The following PRR5 variants were observed in gnomAD, a reference collection of about 807,000 sequenced individuals.
PRR5 encodes the protein proline rich 5.
PRR5 carries 25 observed loss-of-function variants against 30.6 expected under a neutral mutation model. That is an observed-to-expected ratio of 0.82 (90% confidence interval 0.60 to 1.14). PRR5 has a LOEUF of 1.14. Ranked by LOEUF, PRR5 falls within the 50% of genes most tolerant of loss-of-function variation. The probability of loss-of-function intolerance (pLI) is 0.00; values close to 1 mark genes in which losing one functional copy is unlikely to be tolerated. For missense variants in PRR5, 600 were observed against 547.1 expected, an observed-to-expected ratio of 1.10 and a Z score of -0.96; for synonymous variants, 286 against 247.1, an observed-to-expected ratio of 1.16 and a Z score of -1.48.
chr22:44,683,998 T>A (rs1791006736), intron 1 of PRR5, among the ~76,000 whole-genome samples: 1 of 152,238 alleles, frequency 6.6e-6, no homozygotes, highest in African/African-American at 2.4e-5. Context: ...TGGCTTTGAC[T>A]GCAGCGACAG....
At chr22:44,713,321 T>C (rs1211372209) in intron 1 of PRR5, among the ~76,000 whole-genome samples, 5 of 152,168 alleles carry the variant, frequency 3.3e-5, no homozygotes, top group Admixed American at 3.3e-4. Flanking sequence ...GGGCTAGACT[T>C]CCCGACCTCA....
At chr22:44,725,175 A>G in intron 2 of PRR5, 69 bp from the exon 3 acceptor site, 1 of 1,597,684 alleles carries the variant, frequency 6.3e-7, no homozygotes, top group Middle Eastern at 1.8e-4. Context: ...GCCCCACCCC[A>G]GTCCGTGGGT....
At chr22:44,704,995 G>A (rs1181978629) in intron 1 of PRR5, among the ~76,000 whole-genome samples, 3 of 152,140 alleles carry the variant, frequency 2.0e-5, no homozygotes, top group Admixed American at 1.3e-4. Flanking sequence ...GTGCAGGGTC[G>A]GGGACAGGCG....
Position 44,729,506 on chromosome 22 carries a change from G to A in PRR5, c.323-2224G>A, listed in dbSNP as rs113198148. 2.6e-3 allele frequency: 2,529 copies of A among 985,546 alleles called. 66 individuals are homozygous for A. The African/African-American group carries it at 0.041, about 16-fold the overall frequency. 61.1% of individuals were successfully genotyped at this position (985,546 alleles called of 1,614,324 possible). A position where few individuals can be genotyped will look rare whatever the true frequency, so the allele number is the denominator to read the frequency against. ...CGCACACACCCGGCCCCGTCCTGCC[G>A]GCAGCAAACGCCCAGTGCTGTTTCA... On this transcript the variant is annotated intron_variant, in intron 4 of 7. Transcript: ENST00000336985.
intron 1 of PRR5, among the ~76,000 whole-genome samples, chr22:44,714,195 G>A (rs1310554974): frequency 6.6e-6 from 1 of 152,216 alleles, no homozygotes; most frequent in African/African-American, 2.4e-5. Flanking sequence ...CTGAACTCCG[G>A]GTGGCCGTGG....
At chr22:44,695,763 T>C (rs571938404) in intron 1 of PRR5, among the ~76,000 whole-genome samples, 2 of 151,852 alleles carry the variant, frequency 1.3e-5, no homozygotes, top group South Asian at 4.2e-4. Flanking sequence ...CATGCCCAGC[T>C]AATTTTTTTG....
In PRR5 at chr22:44,721,248, G is replaced by A. The variant is rs546456746; in HGVS notation, c.216-3996G>A. Among the ~76,000 whole-genome samples the A allele has an allele frequency of 4.6e-5, 7 of 152,324 alleles. No homozygotes were observed. The East Asian group carries it at 1.2e-3, about 25-fold the overall frequency. On this transcript the variant is annotated intron_variant, in intron 2 of 7. Transcript: ENST00000336985. ...AAGCACACTCCCCAGGGTGGGAGCA[G>A]GCAAGCAGCTCAAGGGCCAGGTTAC... is the stretch of plus-strand genomic sequence containing the variant.
At chr22:44,679,860 C>T (rs757193077) in intron 1 of PRR5, 8 of 1,589,822 alleles carry the variant, frequency 5.0e-6, no homozygotes, top group Non-Finnish European at 5.1e-6. Flanking sequence ...GGAAAAGATG[C>T]CGGCGCAGCC....
In PRR5 at chr22:44,724,157, C is replaced by T. The variant is rs112887048; in HGVS notation, c.216-1087C>T. 2.0e-3 allele frequency among the ~76,000 whole-genome samples: 310 copies of T among 152,260 alleles called. 1 individual carries two copies. The highest frequency in any genetic ancestry group is 6.9e-3 in the African/African-American group (287 of 41,548). On this transcript the variant is annotated intron_variant, in intron 2 of 7. Transcript: ENST00000336985. The stretch of plus-strand genomic sequence containing the variant: ...GACTGATTAGAAAGTTTTCCTAGGC[C>T]GGGTGTGGTGGCTCATACCTGTAAT...
At position 44,732,314 on chromosome 22, in the gene PRR5, G is replaced by A. The variant is rs761886467; in HGVS notation, c.478G>A (p.Val160Met). The change falls in exon 6 of 8, where the codon GTG becomes ATG. Residue 160 changes from valine to methionine, a missense_variant. Val to Met is a conservative substitution (Grantham distance 21). Transcript: ENST00000336985. ...LHFRNAITLS[V>M]KLEDALARAH... ...CTTCCGGAATGCCATCACCCTCAGTGTGAAGCTAGAGGATGCGCTGGCCCG... is the reference window on the plus strand; with the variant it reads ...CTTCCGGAATGCCATCACCCTCAGTATGAAGCTAGAGGATGCGCTGGCCCG... 64 of 1,612,312 alleles carry A rather than the reference G, an allele frequency of 4.0e-5. No individual in the cohort carries two copies. The highest frequency in any genetic ancestry group is 8.5e-7 in the Non-Finnish European group (1 of 1,179,982).
chr22:44,670,466 G>A (rs964676370), intron 1 of PRR5, among the ~76,000 whole-genome samples: 6 of 152,164 alleles, frequency 3.9e-5, no homozygotes, highest in Non-Finnish European at 5.9e-5. Flanking sequence ...GAAAACTGGC[G>A]ATCATCATAT....
At chr22:44,736,690 C>G in intron 7 of PRR5, 82 bp from the exon 8 acceptor site, 1 of 1,492,908 alleles carries the variant, frequency 6.7e-7, no homozygotes, top group Non-Finnish European at 8.9e-7. Context: ...CACAGGGACC[C>G]AGTGTGCAGT....
intron 4 of PRR5, among the ~76,000 whole-genome samples, chr22:44,729,109 C>G (rs1040661087): frequency 2.6e-5 from 4 of 152,210 alleles, no homozygotes; most frequent in Non-Finnish European, 4.4e-5. Context: ...TGCCGTCGCT[C>G]ATCCACCAGG....
Position 44,717,078 on chromosome 22 carries a change from A to G in PRR5, c.215+2407A>G, listed in dbSNP as rs527657278. ...CCCATCTCAAAAGAAAAAAAAATGA[A>G]AGGATTTTAATTATACATTAAATCC... On this transcript the variant is annotated intron_variant, in intron 2 of 7. Transcript: ENST00000336985. Among the ~76,000 whole-genome samples the G allele has an allele frequency of 2.4e-4, 37 of 152,188 alleles. 1 individual carries two copies. The South Asian group carries it at 4.2e-3, about 17-fold the overall frequency.
chr22:44,709,791 G>A (rs953408510), intron 1 of PRR5, among the ~76,000 whole-genome samples: 2 of 152,186 alleles, frequency 1.3e-5, no homozygotes, highest in South Asian at 2.1e-4. Context: ...GGCAGAGGTT[G>A]CAGTGAGCTG....
At chr22:44,677,630 G>A (rs1240310611) in intron 1 of PRR5, among the ~76,000 whole-genome samples, 9 of 152,290 alleles carry the variant, frequency 5.9e-5, no homozygotes, top group South Asian at 4.1e-4. Context: ...ACGGGCCAGC[G>A]CTCAAGGCTC....
intron 2 of PRR5, among the ~76,000 whole-genome samples, chr22:44,723,572 T>G (rs1017681369): frequency 2.0e-5 from 3 of 151,702 alleles, no homozygotes; most frequent in Non-Finnish European, 4.4e-5. Context: ...ATACAAAAAT[T>G]AGCTGGGCGT....
At chr22:44,735,652 C>T (rs944806266) in intron 7 of PRR5, among the ~76,000 whole-genome samples, 3 of 152,160 alleles carry the variant, frequency 2.0e-5, no homozygotes, top group Non-Finnish European at 2.9e-5. Flanking sequence ...CAGCAATGTC[C>T]CTTGAGTACC....
chr22:44,735,574 G>A (rs1380029745), intron 7 of PRR5, among the ~76,000 whole-genome samples: 6 of 152,206 alleles, frequency 3.9e-5, no homozygotes, highest in African/African-American at 7.2e-5. Context: ...GCAGCATCCC[G>A]GGACTGCTTG....
Sources: allele counts gnomAD v4.1 joint callset (sites outside exome capture counted in the v4.1 genomes callset), GRCh38; gene constraint gnomAD v4.1.1; transcripts MANE v1.5; gene names NCBI Gene and HGNC (gene_info 2026-07-23, HGNC 2026-07-21).